Variants in FAM193A observed in about 807,000 individuals in gnomAD.
The protein encoded by FAM193A is protein FAM193A.
In FAM193A, 22 loss-of-function variants were observed where a neutral mutation model predicts 126.5. The observed-to-expected ratio is 0.17, with a 90% CI of 0.12 to 0.25. FAM193A has a LOEUF of 0.25. FAM193A is among the 10% of genes least tolerant of loss of function. The pLI is 1.00. For synonymous variants in FAM193A, 761 were observed against 646.8 expected (o/e 1.18, Z -2.68); for missense variants, 1,675 against 1,672.8 (o/e 1.00, Z -0.02).
intron 1 of FAM193A, among the ~76,000 whole-genome samples, chr4:2,570,068 A>G (rs1739198847): frequency 7.4e-6 from 1 of 135,858 alleles, no homozygotes; most frequent in African/African-American, 3.2e-5. Flanking sequence ...TAAGTTACAG[A>G]AACTGAGAGT....
At chr4:2,655,196 G>A (rs1711532621) in intron 7 of FAM193A, 1 of 609,592 alleles carries the variant, frequency 1.6e-6, no homozygotes, top group Non-Finnish European at 3.0e-6. Flanking sequence ...GCAAATTAAA[G>A]AAGTTTACCT....
intron 20 of FAM193A, among the ~76,000 whole-genome samples, chr4:2,721,004 C>G (rs918771282): frequency 6.6e-6 from 1 of 152,052 alleles, no homozygotes; most frequent in Non-Finnish European, 1.5e-5. Context: ...CACAACTCTA[C>G]AAGAAAATTA....
chr4:2,571,791 C>T (rs1214145780), intron 1 of FAM193A, among the ~76,000 whole-genome samples: 1 of 151,834 alleles, frequency 6.6e-6, no homozygotes, highest in Non-Finnish European at 1.5e-5. Context: ...CCACCGGCCT[C>T]AGCCTCCCAA....
intron 1 of FAM193A, among the ~76,000 whole-genome samples, chr4:2,543,400 CT>C (rs1279403938): frequency 6.6e-6 from 1 of 151,856 alleles, no homozygotes; most frequent in East Asian, 1.9e-4. Flanking sequence ...CCTTGGGTTT[CT>C]TAATGATAGG....
chr4:2,639,177 T>C (rs1344138248), intron 5 of FAM193A, among the ~76,000 whole-genome samples: 10 of 152,198 alleles, frequency 6.6e-5, no homozygotes, highest in African/African-American at 2.2e-4. Flanking sequence ...ACTGGGACAC[T>C]TCTAGGTTTT....
rs1422366594 is a variant in FAM193A at position 2,693,762 on chromosome 4, C to T, written c.2980C>T (p.Pro994Ser). Residue 994 changes from proline (P) to serine (S), a missense_variant, in exon 16 of 21, where the codon CCC becomes TCC. Coordinates refer to ENST00000637812, the MANE Select transcript of FAM193A (RefSeq NM_001366318.2). ...TGCAAATCTTGCAGCCCCATCATTC[C>T]CCAAAACAGCAACCACAACTCCTGG... ...HLANLAAPSFPKTATTTPGFV... is the reference protein window; with the variant it reads ...HLANLAAPSFSKTATTTPGFV... 3.1e-6 allele frequency: 5 copies of T among 1,614,096 alleles called. No homozygotes were observed. Among genetic ancestry groups the T allele is most frequent in the Non-Finnish European group, 4.2e-6 (5 of 1,180,050 alleles).
intron 13 of FAM193A, 75 bp downstream of exon 13, chr4:2,672,447 A>T: frequency 6.5e-7 from 1 of 1,528,810 alleles, no homozygotes. Flanking sequence ...CAAACAAAGA[A>T]ATCTGTGAAT....
At chr4:2,703,314 T>C (rs1191680777) in intron 19 of FAM193A, among the ~76,000 whole-genome samples, 2 of 152,164 alleles carry the variant, frequency 1.3e-5, no homozygotes, top group African/African-American at 4.8e-5. Context: ...TGGCGCAATC[T>C]CGGCTCACTG....
intron 1 of FAM193A, among the ~76,000 whole-genome samples, chr4:2,574,193 G>C (rs2108865130): frequency 6.6e-6 from 1 of 152,000 alleles, no homozygotes; most frequent in South Asian, 2.1e-4. Context: ...TGGGGTGTCT[G>C]ATGGGGGCAT....
intron 13 of FAM193A, among the ~76,000 whole-genome samples, chr4:2,672,620 C>T (rs1713950155): frequency 1.3e-5 from 2 of 152,230 alleles, no homozygotes; most frequent in South Asian, 2.1e-4. Flanking sequence ...TTAAATAGAA[C>T]AGAAGGATTT....
At chr4:2,646,620 A>G in intron 6 of FAM193A, 65 bp from the exon 7 acceptor site, 5 of 1,495,230 alleles carry the variant, frequency 3.3e-6, no homozygotes, top group Middle Eastern at 1.8e-4. Context: ...CAGGAAGCAC[A>G]TTTCTGATCT....
At chr4:2,664,302 A>G (rs1165252285) in intron 12 of FAM193A, among the ~76,000 whole-genome samples, 1 of 152,212 alleles carries the variant, frequency 6.6e-6, no homozygotes, top group Non-Finnish European at 1.5e-5. Context: ...CTGCATATAT[A>G]GATATCCAAT....
intron 19 of FAM193A, among the ~76,000 whole-genome samples, chr4:2,710,421 C>A (rs1718817672): frequency 6.6e-6 from 1 of 152,088 alleles, no homozygotes; most frequent in African/African-American, 2.4e-5. Context: ...GATCCACCCG[C>A]CTTGGCCTCC....
intron 4 of FAM193A, 99 bp downstream of exon 4, chr4:2,626,676 T>C: frequency 3.2e-6 from 2 of 616,792 alleles, no homozygotes; most frequent in Non-Finnish European, 3.0e-6. Context: ...CTTACAGTGC[T>C]CAGCTGGGTT....
At chr4:2,699,088 G>A (rs1294375453) in intron 18 of FAM193A, among the ~76,000 whole-genome samples, 1 of 152,154 alleles carries the variant, frequency 6.6e-6, no homozygotes, top group African/African-American at 2.4e-5. Context: ...TGTAGAGACG[G>A]GGTTTTGCCA....
At chr4:2,660,330 C>T (rs928145639) in intron 10 of FAM193A, among the ~76,000 whole-genome samples, 4 of 152,148 alleles carry the variant, frequency 2.6e-5, no homozygotes, top group Non-Finnish European at 5.9e-5. Flanking sequence ...ATTCCGGCCT[C>T]ACATCTCCTC....
intron 1 of FAM193A, among the ~76,000 whole-genome samples, chr4:2,593,199 T>C (rs1740667014): frequency 6.6e-6 from 1 of 152,174 alleles, no homozygotes. Context: ...CACAGCCTTA[T>C]CCACTTCCCT....
intron 2 of FAM193A, among the ~76,000 whole-genome samples, chr4:2,606,045 CT>C (rs1170025017): frequency 7.7e-4 from 47 of 61,004 alleles, no homozygotes; most frequent in South Asian, 4.5e-3. Flanking sequence ...TTGCAAACCT[CT>C]TTTTTTTTTT....
intron 19 of FAM193A, among the ~76,000 whole-genome samples, chr4:2,710,688 A>G (rs1718851627): frequency 6.6e-6 from 1 of 151,752 alleles, no homozygotes; most frequent in South Asian, 2.1e-4. Flanking sequence ...TAGTTTTTGT[A>G]GGAACAGCAT....
Sources: allele counts gnomAD v4.1 joint callset (sites outside exome capture counted in the v4.1 genomes callset), GRCh38; gene constraint gnomAD v4.1.1; transcripts MANE v1.5; gene names NCBI Gene and HGNC (gene_info 2026-07-23, HGNC 2026-07-21).